Variants in LMAN2 observed in about 807,000 individuals in gnomAD.
The protein encoded by LMAN2 is vesicular integral-membrane protein VIP36.
A neutral mutation model predicts 39.3 loss-of-function variants in LMAN2; 22 were observed. The observed-to-expected ratio is 0.56, with a 90% CI of 0.40 to 0.80. The LOEUF (loss-of-function observed/expected upper bound fraction) is 0.80. Ranked by LOEUF, LMAN2 falls within the 30% of genes least tolerant of loss-of-function variation. LMAN2 has a pLI of 0.00. For synonymous variants in LMAN2, 207 were observed against 207.8 expected (o/e 1.00, Z 0.03); for missense variants, 494 against 505.4 (o/e 0.98, Z 0.22).
chr5:177,332,301 G>C lies in LMAN2; in HGVS notation c.911-55C>G. On this transcript the variant is annotated intron_variant, in intron 7 of 7. Transcript: ENST00000303127. The surrounding 1 kb of genome is among the most constrained non-coding windows in gnomAD (Gnocchi z 6.3). ...CGGCAGCACGGGCCGGGGATCAGGG[G>C]GCTGCAGGAGGGCAGTGGGGATGGA... 1 of 1,531,434 alleles carries C rather than the reference G, an allele frequency of 6.5e-7. No individual in the cohort carries two copies. Among genetic ancestry groups the C allele is most frequent in the Non-Finnish European group, 8.9e-7 (1 of 1,118,762 alleles). 94.9% of individuals were successfully genotyped at this position (1,531,434 alleles called of 1,614,324 possible).
Position 177,351,514 on chromosome 5 carries a change from T to A in LMAN2, c.134A>T (p.Asp45Val). 2 of 1,614,234 alleles carry A rather than the reference T, an allele frequency of 1.2e-6. No homozygotes were observed. The highest frequency in any genetic ancestry group is 1.7e-6 in the Non-Finnish European group (2 of 1,180,034). The change falls in exon 1 of 8, where the codon GAT (aspartate) becomes GTT (valine). Residue 45 changes from aspartate (D) to valine (V), a missense_variant. By Grantham distance (152) the Asp-to-Val change is radical. Coordinates refer to ENST00000303127, the MANE Select transcript of LMAN2 (RefSeq NM_006816.3). ...LLLLLGSVTA[D>V]ITDGNSEHLK... ...ATGTTCACTGTTGCCGTCAGTTATA[T>A]CCGCAGTCACAGACCCCAACAACAA...
In LMAN2 at chr5:177,338,513, C is replaced by T. The variant is rs896251822; in HGVS notation, c.408G>A (p.Trp136Ter). 2 of 1,614,180 alleles carry T rather than the reference C, an allele frequency of 1.2e-6. No individual in the cohort carries two copies. Among genetic ancestry groups the T allele is most frequent in the Non-Finnish European group, 8.5e-7 (1 of 1,179,992 alleles). Residue 136 changes from tryptophan (W) to a stop codon, truncating the protein, a stop_gained, in exon 3 of 8, where the codon TGG becomes TGA. Coordinates refer to ENST00000303127, the MANE Select transcript of LMAN2 (RefSeq NM_006816.3). LOFTEE classifies it high-confidence loss of function. ...CTGGCACGAGGCGGTCCCGGGTGTA[C>T]CACAAGGCGATGCCGTCTCCATGGA... ...KNLHGDGIAL[W>*]YTRDRLVPGP...
intron 2 of LMAN2, 64 bp from the exon 3 acceptor site, chr5:177,338,669 C>A: frequency 1.5e-6 from 2 of 1,332,018 alleles, no homozygotes; most frequent in Non-Finnish European, 2.2e-6. Context: ...CTGGAGGCAA[C>A]CCCAGCACGG....
At chr5:177,344,958 G>A (rs770751537) in intron 2 of LMAN2, among the ~76,000 whole-genome samples, 2 of 148,696 alleles carry the variant, frequency 1.3e-5, no homozygotes, top group African/African-American at 2.6e-5. Flanking sequence ...AAAAGAAAAG[G>A]AAGAAAGATT....
Position 177,332,316 on chromosome 5 carries a change from G to A in LMAN2, c.911-70C>T. The stretch of plus-strand genomic sequence containing the variant: ...GGGATCAGGGGGCTGCAGGAGGGCA[G>A]TGGGGATGGAACAGGACAGCCGGCC... On this transcript the variant is annotated intron_variant, in intron 7 of 7. Transcript: ENST00000303127. The surrounding 1 kb of genome is among the most constrained non-coding windows in gnomAD (Gnocchi z 6.3). The A allele has an allele frequency of 6.9e-7, 1 of 1,457,034 alleles. No individual in the cohort carries two copies. The highest frequency in any genetic ancestry group is 9.4e-7 in the Non-Finnish European group (1 of 1,058,978). 90.3% of individuals were successfully genotyped at this position (1,457,034 alleles called of 1,614,324 possible).
rs1264702641 is a variant in LMAN2 at position 177,337,778 on chromosome 5, C to G, written c.441G>C (p.Val147=). The G allele has an allele frequency of 3.1e-6, 5 of 1,613,608 alleles. No homozygotes were observed. In the African/African-American group the frequency reaches 6.7e-5, roughly 22 times the overall value. Residue 147 remains valine (V), a synonymous_variant, in exon 4 of 8, where the codon GTG becomes GTC. Coordinates refer to ENST00000303127, the MANE Select transcript of LMAN2 (RefSeq NM_006816.3). The surrounding 1 kb of genome is among the most constrained non-coding windows in gnomAD (Gnocchi z 8.2). ...YTRDRLVPGP[V]FGSKDNFHGL... is the part of the protein sequence containing the mutation. Reference sequence around the variant, plus strand: ...CGTGGAAGTTATCTTTGCTTCCAAACACAGGCCCTAGAATTATAAGCAGAT... The same window carrying G: ...CGTGGAAGTTATCTTTGCTTCCAAAGACAGGCCCTAGAATTATAAGCAGAT...
At chr5:177,336,066 T>C (rs1761464741) in intron 6 of LMAN2, among the ~76,000 whole-genome samples, 3 of 152,148 alleles carry the variant, frequency 2.0e-5, no homozygotes, top group Admixed American at 2.0e-4. Context: ...GACAATAAAA[T>C]TAATTACTCG....
At position 177,338,573 on chromosome 5, in the gene LMAN2, G is replaced by C; in HGVS notation, c.348C>G (p.Val116=). The C allele has an allele frequency of 5.0e-6, 8 of 1,614,230 alleles. No individual in the cohort carries two copies. Among genetic ancestry groups the C allele is most frequent in the Non-Finnish European group, 6.8e-6 (8 of 1,180,028 alleles). ...TCCCTGTGCCGTGGACTTTGAAGTGGACGTGCATTTCCCAGTCTTTGAGGA... is the reference window on the plus strand; with the variant it reads ...TCCCTGTGCCGTGGACTTTGAAGTGCACGTGCATTTCCCAGTCTTTGAGGA... ...PCFLKDWEMH[V]HFKVHGTGKK... Residue 116 remains valine (V), a synonymous_variant, in exon 3 of 8, where the codon GTC becomes GTG. Coordinates refer to ENST00000303127, the MANE Select transcript of LMAN2 (RefSeq NM_006816.3).
intron 2 of LMAN2, among the ~76,000 whole-genome samples, chr5:177,344,281 CTTTTT>C (rs59101629): frequency 2.4e-5 from 2 of 82,288 alleles, no homozygotes; most frequent in African/African-American, 5.2e-5. Context: ...CGCTTTGTTA[CTTTTT>C]TTTTTTTTTT....
At chr5:177,345,781 AT>A (rs989779940) in intron 2 of LMAN2, among the ~76,000 whole-genome samples, 1 of 147,794 alleles carries the variant, frequency 6.8e-6, no homozygotes, top group African/African-American at 2.6e-5. Context: ...TTATTTATTT[AT>A]TTTTTGAGAC....
chr5:177,334,481 A>AAGC, intron 6 of LMAN2, 78 bp from the exon 7 acceptor site: 1 of 1,529,592 alleles, frequency 6.5e-7, no homozygotes, highest in Non-Finnish European at 8.8e-7. Flanking sequence ...CCCACAAGGA[A>AAGC]AGCTGCTGCT....
Position 177,332,694 on chromosome 5 carries a change from G to A in LMAN2, c.911-448C>T, listed in dbSNP as rs1485442795. On this transcript the variant is annotated intron_variant, in intron 7 of 7. Transcript: ENST00000303127. This position sits in a 1 kb window ranked among gnomAD's most constrained non-coding sequence, Gnocchi z 6.3. ...CTGGATGCTCTCGGCAGCCCCCCAGGAGGGTCTCCCAGGACCTGAGTCCCA... is the reference window on the plus strand; with the variant it reads ...CTGGATGCTCTCGGCAGCCCCCCAGAAGGGTCTCCCAGGACCTGAGTCCCA... 6.6e-6 allele frequency among the ~76,000 whole-genome samples: 1 copy of A among 152,046 alleles called. No homozygotes were observed. The highest frequency in any genetic ancestry group is 1.5e-5 in the Non-Finnish European group (1 of 67,960).
At chr5:177,344,900 T>C (rs1008349916) in intron 2 of LMAN2, among the ~76,000 whole-genome samples, 1 of 149,672 alleles carries the variant, frequency 6.7e-6, no homozygotes, top group Admixed American at 6.6e-5. Context: ...AGTGAGACCC[T>C]GTCTCAAAAA....
chr5:177,336,173 G>A (rs1411363889), intron 6 of LMAN2, among the ~76,000 whole-genome samples: 1 of 152,192 alleles, frequency 6.6e-6, no homozygotes, highest in Non-Finnish European at 1.5e-5. Context: ...GACATTCCAC[G>A]AGGGCATCAG....
At chr5:177,342,193 A>C (rs1463668005) in intron 2 of LMAN2, among the ~76,000 whole-genome samples, 1 of 152,202 alleles carries the variant, frequency 6.6e-6, no homozygotes, top group Non-Finnish European at 1.5e-5. Context: ...TAATTATGTC[A>C]AAATAAAAAG....
intron 3 of LMAN2, 149 bp downstream of exon 3, chr5:177,338,339 C>T (rs1761504639): frequency 1.5e-6 from 1 of 652,994 alleles, no homozygotes; most frequent in African/African-American, 1.8e-5. Context: ...AGGCGCAGGA[C>T]TTTATCCACG....
At position 177,332,957 on chromosome 5, in the gene LMAN2, C is replaced by T. The variant is rs939200779; in HGVS notation, c.911-711G>A. 2.0e-5 allele frequency among the ~76,000 whole-genome samples: 3 copies of T among 152,190 alleles called. No individual in the cohort carries two copies. The highest frequency in any genetic ancestry group is 2.4e-5 in the African/African-American group (1 of 41,436). On this transcript the variant is annotated intron_variant, in intron 7 of 7. Coordinates refer to ENST00000303127, the MANE Select transcript of LMAN2 (RefSeq NM_006816.3). This position sits in a 1 kb window ranked among gnomAD's most constrained non-coding sequence, Gnocchi z 6.3. ...CTCCACACTGTACAGTCTCCTCAGG[C>T]GTCCCCACACCCAGGCCTCGGGCCC...
chr5:177,343,931 C>G (rs1227379429), intron 2 of LMAN2, among the ~76,000 whole-genome samples: 1 of 152,054 alleles, frequency 6.6e-6, no homozygotes, highest in Non-Finnish European at 1.5e-5. Context: ...TAAAATGGGC[C>G]AGGCGCAGTA....
intron 2 of LMAN2, among the ~76,000 whole-genome samples, chr5:177,341,028 T>C (rs1233252649): frequency 6.6e-6 from 1 of 150,992 alleles, no homozygotes. Context: ...GTGCTGAGAT[T>C]ACAGATGTGA....
Sources: gnomAD v4.1 joint callset for allele counts (sites outside exome capture counted in the v4.1 genomes callset) on GRCh38, gnomAD v4.1.1 for gene constraint, Gnocchi (gnomAD v3.1) non-coding constraint, MANE v1.5 for transcripts, NCBI Gene and HGNC (gene_info 2026-07-23, HGNC 2026-07-21) for gene names.